Variants in FBXL7 observed in about 807,000 individuals in gnomAD.
FBXL7 encodes the protein F-box and leucine rich repeat protein 7, also known as F-box/LRR-repeat protein 7.
A neutral mutation model predicts 38.3 loss-of-function variants in FBXL7; 12 were observed. That is an observed-to-expected ratio of 0.31 (90% confidence interval 0.20 to 0.51). The LOEUF (loss-of-function observed/expected upper bound fraction) is 0.51. Ranked by LOEUF, FBXL7 falls within the 20% of genes least tolerant of loss-of-function variation. FBXL7 has a pLI of 0.98. For synonymous variants in FBXL7, 297 were observed against 300.9 expected, an observed-to-expected ratio of 0.99 and a Z score of 0.13; for missense variants, 567 against 676.4, an observed-to-expected ratio of 0.84 and a Z score of 1.79.
chr5:15,514,813 C>T lies in FBXL7; in HGVS notation c.37+14100C>T, dbSNP rs116715146. Among the ~76,000 whole-genome samples, 1,434 of 152,234 alleles carry T rather than the reference C, an allele frequency of 9.4e-3. 22 individuals are homozygous for T. Among genetic ancestry groups the T allele is most frequent in the African/African-American group, 0.033 (1,370 of 41,534 alleles). ...TGCCTCTCCAGAAATTACTCTCATC[C>T]AAGACAGGGAGGTTCAGGGAGCGGG... On this transcript the variant is annotated intron_variant, in intron 1 of 3. Transcript: ENST00000504595.
rs1742272016 is a variant in FBXL7 at position 15,938,872 on chromosome 5, G to A, written c.*1686G>A. On this transcript the variant is annotated 3_prime_UTR_variant, in exon 4 of 4. Transcript: ENST00000504595. ...ACTTGTCTTTTGCTAATAAACACAT[G>A]GCCCTTTCCCAGATTATTCTCTAGC... The A allele has an allele frequency of 2.5e-6, 1 of 397,608 alleles. No individual in the cohort carries two copies. Among genetic ancestry groups the A allele is most frequent in the South Asian group, 1.4e-4 (1 of 7,332 alleles). 24.6% of individuals were successfully genotyped at this position (397,608 alleles called of 1,614,324 possible). A position where few individuals can be genotyped will look rare whatever the true frequency, so the allele number is the denominator to read the frequency against.
chr5:15,922,237 T>C (rs1741762581), intron 2 of FBXL7, among the ~76,000 whole-genome samples: 1 of 152,066 alleles, frequency 6.6e-6, no homozygotes, highest in Non-Finnish European at 1.5e-5. Context: ...TATAGATGGA[T>C]CTAGAGGTCT....
At chr5:15,749,693 A>G (rs1736107940) in intron 2 of FBXL7, among the ~76,000 whole-genome samples, 1 of 152,230 alleles carries the variant, frequency 6.6e-6, no homozygotes, top group Admixed American at 6.5e-5. Context: ...GACATCAGTA[A>G]TGAAAATAGC....
intron 2 of FBXL7, among the ~76,000 whole-genome samples, chr5:15,621,653 C>G (rs1740646259): frequency 1.3e-5 from 2 of 152,158 alleles, no homozygotes; most frequent in Non-Finnish European, 2.9e-5. Flanking sequence ...GCGGGTGGCT[C>G]AGTCTTTTCT....
chr5:15,535,873 A>T (rs1293537762), intron 1 of FBXL7, among the ~76,000 whole-genome samples: 2 of 152,248 alleles, frequency 1.3e-5, no homozygotes, highest in African/African-American at 4.8e-5. Flanking sequence ...TGCCAAGATG[A>T]TGGGGAAAAT....
At chr5:15,875,353 C>G (rs1443661585) in intron 2 of FBXL7, among the ~76,000 whole-genome samples, 2 of 152,078 alleles carry the variant, frequency 1.3e-5, no homozygotes, top group Non-Finnish European at 2.9e-5. Context: ...GCAAAGACTT[C>G]ATGACTAAAA....
At chr5:15,656,073 T>G (rs983076085) in intron 2 of FBXL7, among the ~76,000 whole-genome samples, 1 of 152,244 alleles carries the variant, frequency 6.6e-6, no homozygotes, top group South Asian at 2.1e-4. Context: ...AAAACATTTC[T>G]TGGTTTATGT....
chr5:15,523,807 A>C (rs1340866385), intron 1 of FBXL7, among the ~76,000 whole-genome samples: 1 of 152,180 alleles, frequency 6.6e-6, no homozygotes, highest in Non-Finnish European at 1.5e-5. Context: ...CTCTTGCCCC[A>C]GATGGAGTTG....
At chr5:15,638,958 C>T (rs1306273365) in intron 2 of FBXL7, among the ~76,000 whole-genome samples, 1 of 152,136 alleles carries the variant, frequency 6.6e-6, no homozygotes, top group Non-Finnish European at 1.5e-5. Flanking sequence ...GCTACCTAAA[C>T]CAAAGTTGGA....
intron 2 of FBXL7, among the ~76,000 whole-genome samples, chr5:15,847,121 G>A (rs1738929584): frequency 6.6e-6 from 1 of 152,094 alleles, no homozygotes; most frequent in Admixed American, 6.5e-5. Context: ...AGTGTGGTAG[G>A]CAGAATTCCC....
At chr5:15,777,413 A>G (rs575060296) in intron 2 of FBXL7, among the ~76,000 whole-genome samples, 27 of 152,190 alleles carry the variant, frequency 1.8e-4, no homozygotes, top group African/African-American at 4.8e-4. Flanking sequence ...CGTATTCCCT[A>G]TCATCTACCT....
chr5:15,843,601 C>T (rs754571182), intron 2 of FBXL7, among the ~76,000 whole-genome samples: 84 of 152,080 alleles, frequency 5.5e-4, no homozygotes, highest in Non-Finnish European at 8.8e-4. Context: ...TTGCTCTTCT[C>T]AAATTGCAAT....
intron 1 of FBXL7, among the ~76,000 whole-genome samples, chr5:15,581,780 C>A (rs1327098223): frequency 1.3e-5 from 2 of 151,956 alleles, no homozygotes; most frequent in East Asian, 1.9e-4. Context: ...GGGTGCCACA[C>A]AGTTGTGTGT....
intron 3 of FBXL7, among the ~76,000 whole-genome samples, chr5:15,934,488 T>C (rs1742125695): frequency 6.6e-6 from 1 of 151,838 alleles, no homozygotes; most frequent in African/African-American, 2.4e-5. Flanking sequence ...ATATAAATTA[T>C]ATAGTGTGTA....
At chr5:15,893,925 G>A (rs1741012984) in intron 2 of FBXL7, among the ~76,000 whole-genome samples, 2 of 152,204 alleles carry the variant, frequency 1.3e-5, no homozygotes, top group Non-Finnish European at 2.9e-5. Context: ...CATCAGGTAG[G>A]GCTATAGAGA....
intron 2 of FBXL7, among the ~76,000 whole-genome samples, chr5:15,762,037 T>A (rs1163082938): frequency 3.3e-5 from 5 of 152,180 alleles, no homozygotes; most frequent in Non-Finnish European, 7.3e-5. Context: ...GGAATCCAGG[T>A]AAGACTGAGT....
intron 2 of FBXL7, among the ~76,000 whole-genome samples, chr5:15,765,921 G>A (rs1166958695): frequency 7.2e-5 from 11 of 152,078 alleles, no homozygotes; most frequent in Admixed American, 4.6e-4. Context: ...ACGTGACCAT[G>A]CTTACAGTGT....
chr5:15,607,945 G>A (rs544608718), intron 1 of FBXL7, among the ~76,000 whole-genome samples: 15 of 152,266 alleles, frequency 9.9e-5, no homozygotes, highest in African/African-American at 3.1e-4. Flanking sequence ...TTACTTTACC[G>A]AATCTGACCA....
chr5:15,560,462 C>A (rs1016238914), intron 1 of FBXL7, among the ~76,000 whole-genome samples: 4 of 152,186 alleles, frequency 2.6e-5, no homozygotes, highest in African/African-American at 9.7e-5. Flanking sequence ...TCCAAATTGA[C>A]CAGCCTCCTG....
Sources: allele counts gnomAD v4.1 joint callset (sites outside exome capture counted in the v4.1 genomes callset), GRCh38; gene constraint gnomAD v4.1.1; transcripts MANE v1.5; gene names NCBI Gene and HGNC (gene_info 2026-07-23, HGNC 2026-07-21).